JUN: variants seen among roughly 807,000 people sequenced by gnomAD.
JUN encodes transcription factor Jun.
A neutral mutation model predicts 19.7 loss-of-function variants in JUN; 7 were observed. That is an observed-to-expected ratio of 0.36 (90% CI 0.20 to 0.67). JUN has a LOEUF of 0.67. JUN is among the 30% of genes least tolerant of loss of function. The probability of loss-of-function intolerance (pLI) is 0.64; values close to 1 mark genes in which losing one functional copy is unlikely to be tolerated. For synonymous variants in JUN, 246 were observed against 206.9 expected (o/e 1.19, Z -1.62); for missense variants, 373 against 451.0 (o/e 0.83, Z 1.57).
rs1363748276 is a variant in JUN, at chr1:58,782,432, C to T, written c.639G>A (p.Gln213=). Residue 213 remains glutamine, a synonymous_variant, in exon 1 of 1, where the codon CAG becomes CAA. Coordinates refer to ENST00000371222, the MANE Select transcript of JUN (RefSeq NM_002228.4). This position sits in a 1 kb window ranked among gnomAD's most constrained non-coding sequence, Gnocchi z 8.7. Reference sequence around the variant, plus strand: ...GCCGCGGGTGCTGCACGGGCATCTGCTGGGGCAGGTGGTGCGGCGGCTGCT... The same window carrying T: ...GCCGCGGGTGCTGCACGGGCATCTGTTGGGGCAGGTGGTGCGGCGGCTGCT... ...QQQQPPHHLP[Q]QMPVQHPRLQ... is the part of the protein sequence containing the mutation. The T allele has an allele frequency of 1.2e-6, 2 of 1,605,868 alleles. No homozygotes were observed. The highest frequency in any genetic ancestry group is 1.1e-5 in the South Asian group (1 of 90,528).
In JUN at chr1:58,783,658, A is replaced by G. The variant is rs897712183; in HGVS notation, c.-588T>C. ...GCCGTGGAGAAGCCTAAGACGCAGG[A>G]AAGGCTTGCAAAAGTTGGCTCCGGG... On this transcript the variant is annotated 5_prime_UTR_variant, in exon 1 of 1. Transcript: ENST00000371222. The G allele has an allele frequency of 2.0e-5, 5 of 247,486 alleles. No homozygotes were observed. The highest frequency in any genetic ancestry group is 1.1e-4 in the African/African-American group (5 of 45,020). The allele number at this position is 247,486 out of a possible 1,614,324, so 15.3% of individuals were successfully genotyped here. A position where few individuals can be genotyped will look rare whatever the true frequency, so the allele number is the denominator to read the frequency against.
Position 58,781,885 on chromosome 1 carries a change from C to T in JUN, c.*190G>A, listed in dbSNP as rs974880244. 1.7e-6 allele frequency: 1 copy of T among 598,510 alleles called. No individual in the cohort carries two copies. Among genetic ancestry groups the T allele is most frequent in the South Asian group, 2.1e-5 (1 of 47,000 alleles). 37.1% of individuals were successfully genotyped at this position (598,510 alleles called of 1,614,324 possible). A position where few individuals can be genotyped will look rare whatever the true frequency, so the allele number is the denominator to read the frequency against. ...TCCCTGGCTCCACGCCAAGGGAGGG[C>T]GCGCCAAGTCCTTCCCACTCGTGCA... is the stretch of plus-strand genomic sequence containing the variant. On this transcript the variant is annotated 3_prime_UTR_variant, in exon 1 of 1. Coordinates refer to ENST00000371222, the MANE Select transcript of JUN (RefSeq NM_002228.4).
chr1:58,782,684 G>A lies in JUN; in HGVS notation c.387C>T (p.Ser129=), dbSNP rs538725916. 3 of 1,591,442 alleles carry A rather than the reference G, an allele frequency of 1.9e-6. No individual in the cohort carries two copies. The South Asian group carries it at 3.3e-5, about 18-fold the overall frequency. The change falls in exon 1 of 1, where the codon AGC becomes AGT. Residue 129 remains serine (S), a synonymous_variant. Transcript: ENST00000371222. The surrounding 1 kb of genome is among the most constrained non-coding windows in gnomAD (Gnocchi z 8.7). ...AELHSQNTLP[S]VTSAAQPVNG... ...TGACCGGCTGCGCCGCCGACGTGAC[G>A]CTGGGCAGCGTGTTCTGGCTGTGCA...
At position 58,780,893 on chromosome 1, in the gene JUN, T is replaced by C; in HGVS notation, c.*1182A>G. ...AATTGTCAAAGAGAAGATTCCAAAT[T>C]GGAAGGATACATCTTTTGTAAAATC... On this transcript the variant is annotated 3_prime_UTR_variant, in exon 1 of 1. Coordinates refer to ENST00000371222, the MANE Select transcript of JUN (RefSeq NM_002228.4). The C allele has an allele frequency of 8.6e-6, 2 of 233,200 alleles. No homozygotes were observed. The highest frequency in any genetic ancestry group is 1.7e-5 in the Non-Finnish European group (2 of 118,014). The allele number at this position is 233,200 out of a possible 1,614,324, so 14.4% of individuals were successfully genotyped here.
rs906523442 is a variant in JUN, at chr1:58,781,980, C to A, written c.*95G>T. The A allele has an allele frequency of 2.9e-5, 33 of 1,132,472 alleles. No individual in the cohort carries two copies. The highest frequency in any genetic ancestry group is 3.9e-5 in the Non-Finnish European group (30 of 779,072). 70.2% of individuals were successfully genotyped at this position (1,132,472 alleles called of 1,614,324 possible). On this transcript the variant is annotated 3_prime_UTR_variant, in exon 1 of 1. Coordinates refer to ENST00000371222, the MANE Select transcript of JUN (RefSeq NM_002228.4). ...CCTTGGCTTTAGTTCTCGGACACTT[C>A]TTTTTTCTCTCCGTCGCAACTTGTC...
In JUN at chr1:58,781,952, T is replaced by A. The variant is rs534823249; in HGVS notation, c.*123A>T. On this transcript the variant is annotated 3_prime_UTR_variant, in exon 1 of 1. Coordinates refer to ENST00000371222, the MANE Select transcript of JUN (RefSeq NM_002228.4). ...AGGACGCAACCCAGTCCAACTTGGA[T>A]ACCCTTGGCTTTAGTTCTCGGACAC... 1 of 851,474 alleles carries A rather than the reference T, an allele frequency of 1.2e-6. No individual in the cohort carries two copies. The highest frequency in any genetic ancestry group is 1.8e-5 in the South Asian group (1 of 57,088). 52.7% of individuals were successfully genotyped at this position (851,474 alleles called of 1,614,324 possible). A position where few individuals can be genotyped will look rare whatever the true frequency, so the allele number is the denominator to read the frequency against.
rs1265626352 is a variant in JUN, at chr1:58,782,732, G to A, written c.339C>T (p.Gly113=). 1 of 1,609,968 alleles carries A rather than the reference G, an allele frequency of 6.2e-7. No individual in the cohort carries two copies. Reference sequence around the variant, plus strand: ...GCAGTTCGGCCAGGGCGCGCACGAAGCCCTCGGCGAAGCCCTCCTGCTCAT... The same window carrying A: ...GCAGTTCGGCCAGGGCGCGCACGAAACCCTCGGCGAAGCCCTCCTGCTCAT... The part of the protein sequence containing the change: ...VTDEQEGFAE[G]FVRALAELHS... The change falls in exon 1 of 1, where the codon GGC becomes GGT. Residue 113 remains glycine, a synonymous_variant. Coordinates refer to ENST00000371222, the MANE Select transcript of JUN (RefSeq NM_002228.4). This position sits in a 1 kb window ranked among gnomAD's most constrained non-coding sequence, Gnocchi z 8.7.
At position 58,784,015 on chromosome 1, in the gene JUN, G is replaced by A. The variant is rs4647006; in HGVS notation, c.-945C>T. The A allele has an allele frequency of 2.0e-5, 5 of 249,192 alleles. No individual in the cohort carries two copies. Among genetic ancestry groups the A allele is most frequent in the South Asian group, 3.6e-4 (2 of 5,546 alleles). The allele number at this position is 249,192 out of a possible 1,614,324, so 15.4% of individuals were successfully genotyped here. On this transcript the variant is annotated 5_prime_UTR_variant, in exon 1 of 1. Transcript: ENST00000371222. ...CTCCGCGCACCTCCACTCCCGCCTC[G>A]CTGCTTCAGCCACACTCAGTGCAAC...
Position 58,782,820 on chromosome 1 carries a change from C to T in JUN, c.251G>A (p.Ser84Asn), listed in dbSNP as rs2100739836. 1 of 1,613,900 alleles carries T rather than the reference C, an allele frequency of 6.2e-7. No individual in the cohort carries two copies. The highest frequency in any genetic ancestry group is 1.1e-5 in the South Asian group (1 of 91,066). The change falls in exon 1 of 1, where the codon AGC becomes AAC. Residue 84 changes from serine (S) to asparagine (N), a missense_variant. Ser to Asn is a conservative substitution (Grantham distance 46). Transcript: ENST00000371222. The surrounding 1 kb of genome is among the most constrained non-coding windows in gnomAD (Gnocchi z 8.7). ...PELERLIIQS[S>N]NGHITTTPTP... is the part of the protein sequence containing the mutation. ...CGGCGTGGTGGTGATGTGCCCGTTG[C>T]TGGACTGGATTATCAGGCGCTCCAG... is the stretch of plus-strand genomic sequence containing the variant.
rs1645578616 is a variant in JUN, at chr1:58,782,026, CTGTGT to C, written c.*44_*48del. 3 of 1,428,952 alleles carry C rather than the reference CTGTGT, an allele frequency of 2.1e-6. No homozygotes were observed. The highest frequency in any genetic ancestry group is 1.8e-5 in the Admixed American group (1 of 54,986). 88.5% of individuals were successfully genotyped at this position (1,428,952 alleles called of 1,614,324 possible). Reference sequence around the variant, plus strand: ...TTGTCAAGTTCTCAAGTCTGTCTCTCTGTGTTATTTTTTTTCTTCGTTGCCCCTCA... The same window carrying C: ...TTGTCAAGTTCTCAAGTCTGTCTCTCTATTTTTTTTCTTCGTTGCCCCTCA... On this transcript the variant is annotated 3_prime_UTR_variant, in exon 1 of 1. Transcript: ENST00000371222. This position sits in a 1 kb window ranked among gnomAD's most constrained non-coding sequence, Gnocchi z 8.7.
rs1251656739 is a variant in JUN, at chr1:58,783,830, C to T, written c.-760G>A. On this transcript the variant is annotated 5_prime_UTR_variant, in exon 1 of 1. Coordinates refer to ENST00000371222, the MANE Select transcript of JUN (RefSeq NM_002228.4). ...GGCAGCAGGGCTCTCCTCCCGGGGGCGGCTGGAGACCAGGCTCTCTGGACA... is the reference window on the plus strand; with the variant it reads ...GGCAGCAGGGCTCTCCTCCCGGGGGTGGCTGGAGACCAGGCTCTCTGGACA... 4 of 247,962 alleles carry T rather than the reference C, an allele frequency of 1.6e-5. No individual in the cohort carries two copies. The highest frequency in any genetic ancestry group is 8.5e-6 in the Non-Finnish European group (1 of 118,132). 15.4% of individuals were successfully genotyped at this position (247,962 alleles called of 1,614,324 possible).
Position 58,783,132 on chromosome 1 carries a change from A to G in JUN, c.-62T>C. 1 of 1,556,880 alleles carries G rather than the reference A, an allele frequency of 6.4e-7. No individual in the cohort carries two copies. The highest frequency in any genetic ancestry group is 8.7e-7 in the Non-Finnish European group (1 of 1,147,092). ...CTGCGCGCACAAGTTTCGGGGCCGC[A>G]ACAGGGCTGTGGCAAGCGGGGGACA... On this transcript the variant is annotated 5_prime_UTR_variant, in exon 1 of 1. Transcript: ENST00000371222.
chr1:58,783,293 T>C lies in JUN; in HGVS notation c.-223A>G, dbSNP rs1195191566. On this transcript the variant is annotated 5_prime_UTR_variant, in exon 1 of 1. Transcript: ENST00000371222. Reference sequence around the variant, plus strand: ...GTTAATTAAGATGCCTCCCGCACTCTTACTTGTCGACTCGCGCGCGCTACC... The same window carrying C: ...GTTAATTAAGATGCCTCCCGCACTCCTACTTGTCGACTCGCGCGCGCTACC... 3 of 589,136 alleles carry C rather than the reference T, an allele frequency of 5.1e-6. No individual in the cohort carries two copies. Among genetic ancestry groups the C allele is most frequent in the Admixed American group, 3.3e-5 (1 of 30,628 alleles). The allele number at this position is 589,136 out of a possible 1,614,324, so 36.5% of individuals were successfully genotyped here. A position where few individuals can be genotyped will look rare whatever the true frequency, so the allele number is the denominator to read the frequency against.
At position 58,782,873 on chromosome 1, in the gene JUN, C is replaced by G. The variant is rs2100739932; in HGVS notation, c.198G>C (p.Val66=). ...CGGGCGACGCCAGCTTGAGCAGCCC[C>G]ACGTCGGGCGAGGTGAGGAGGTCCG... The part of the protein sequence containing the change: ...KNSDLLTSPD[V]GLLKLASPEL... Residue 66 remains valine (V), a synonymous_variant, in exon 1 of 1, where the codon GTG becomes GTC. Transcript: ENST00000371222. This position sits in a 1 kb window ranked among gnomAD's most constrained non-coding sequence, Gnocchi z 8.7. The G allele has an allele frequency of 6.2e-7, 1 of 1,614,164 alleles. No individual in the cohort carries two copies. Among genetic ancestry groups the G allele is most frequent in the Non-Finnish European group, 8.5e-7 (1 of 1,180,032 alleles).
At position 58,782,463 on chromosome 1, in the gene JUN, T is replaced by G. The variant is rs1373687602; in HGVS notation, c.608A>C (p.Gln203Pro). Residue 203 changes from glutamine (Q) to proline (P), a missense_variant, in exon 1 of 1, where the codon CAG becomes CCG. Coordinates refer to ENST00000371222, the MANE Select transcript of JUN (RefSeq NM_002228.4). The surrounding 1 kb of genome is among the most constrained non-coding windows in gnomAD (Gnocchi z 8.7). ...CAGGTGGTGCGGCGGCTGCTGCTGC[T>G]GCTGGGGTTGCGCGGGAAAGGCCAG... ...AGLAFPAQPQ[Q>P]QQQPPHHLPQ... 3 of 1,592,138 alleles carry G rather than the reference T, an allele frequency of 1.9e-6. No individual in the cohort carries two copies. The African/African-American group carries it at 4.0e-5, about 21-fold the overall frequency.
In JUN at chr1:58,781,183, TA is replaced by T; in HGVS notation, c.*891del. On this transcript the variant is annotated 3_prime_UTR_variant, in exon 1 of 1. Transcript: ENST00000371222. Reference sequence around the variant, plus strand: ...CAGGTACATCAGGTACATTTATTTCTAAAGTCTAATAGAGAACAGTTTTTAC... The same window carrying T: ...CAGGTACATCAGGTACATTTATTTCTAAGTCTAATAGAGAACAGTTTTTAC... 1 of 233,360 alleles carries T rather than the reference TA, an allele frequency of 4.3e-6. No homozygotes were observed. The highest frequency in any genetic ancestry group is 8.5e-6 in the Non-Finnish European group (1 of 117,840). 14.5% of individuals were successfully genotyped at this position (233,360 alleles called of 1,614,324 possible).
Position 58,782,426 on chromosome 1 carries a change from C to G in JUN, c.645G>C (p.Met215Ile). 3.1e-6 allele frequency: 5 copies of G among 1,607,390 alleles called. No homozygotes were observed. The highest frequency in any genetic ancestry group is 4.2e-6 in the Non-Finnish European group (5 of 1,177,180). ...QQPPHHLPQQ[M>I]PVQHPRLQAL... The stretch of plus-strand genomic sequence containing the variant: ...CCTGCAGCCGCGGGTGCTGCACGGG[C>G]ATCTGCTGGGGCAGGTGGTGCGGCG... The change falls in exon 1 of 1, where the codon ATG becomes ATC. Residue 215 changes from methionine (M) to isoleucine (I), a missense_variant. Around this residue, in one of 4 missense-constraint regions of JUN, gnomAD observed 173 missense variants for 154.5 expected, o/e 1.12. Coordinates refer to ENST00000371222, the MANE Select transcript of JUN (RefSeq NM_002228.4). The surrounding 1 kb of genome is among the most constrained non-coding windows in gnomAD (Gnocchi z 8.7).
chr1:58,781,900 CCA>C lies in JUN; in HGVS notation c.*173_*174del. The C allele has an allele frequency of 1.6e-6, 1 of 625,836 alleles. No homozygotes were observed. Among genetic ancestry groups the C allele is most frequent in the South Asian group, 2.1e-5 (1 of 48,712 alleles). The allele number at this position is 625,836 out of a possible 1,614,324, so 38.8% of individuals were successfully genotyped here. On this transcript the variant is annotated 3_prime_UTR_variant, in exon 1 of 1. Coordinates refer to ENST00000371222, the MANE Select transcript of JUN (RefSeq NM_002228.4). ...CAAGGGAGGGCGCGCCAAGTCCTTC[CCA>C]CTCGTGCACACTGGGGGCGCCGTCA...
Position 58,782,213 on chromosome 1 carries a change from G to C in JUN, c.858C>G (p.Thr286=). 6.2e-7 allele frequency: 1 copy of C among 1,614,226 alleles called. No individual in the cohort carries two copies. Among genetic ancestry groups the C allele is most frequent in the Non-Finnish European group, 8.5e-7 (1 of 1,180,040 alleles). The change falls in exon 1 of 1, where the codon ACC becomes ACG. Residue 286 remains threonine, a synonymous_variant. Transcript: ENST00000371222. This position sits in a 1 kb window ranked among gnomAD's most constrained non-coding sequence, Gnocchi z 8.7. ...RIARLEEKVK[T]LKAQNSELAS... ...CCAGCTCCGAGTTCTGAGCTTTCAA[G>C]GTTTTCACTTTTTCCTCCAGCCGGG...
Sources: allele counts gnomAD v4.1 joint callset, GRCh38; gene constraint gnomAD v4.1.1; regional missense constraint gnomAD v4.1.1; non-coding constraint Gnocchi (gnomAD v3.1); transcripts MANE v1.5; gene names NCBI Gene and HGNC (gene_info 2026-07-23, HGNC 2026-07-21).